GUCY1A2: variants seen among roughly 807,000 people sequenced by gnomAD.
GUCY1A2 encodes the protein guanylate cyclase soluble subunit alpha-2.
A neutral mutation model predicts 63.5 loss-of-function variants in GUCY1A2; 27 were observed. The ratio of observed to expected loss-of-function variants is 0.43; its 90% CI spans 0.31 to 0.59. The LOEUF (loss-of-function observed/expected upper bound fraction) is 0.59, where lower values mean the gene tolerates loss of function less well. GUCY1A2 is among the 20% of genes least tolerant of loss of function. The pLI is 0.11. For synonymous variants in GUCY1A2, 364 were observed against 343.5 expected, an observed-to-expected ratio of 1.06 and a Z score of -0.66; for missense variants, 768 against 913.3, an observed-to-expected ratio of 0.84 and a Z score of 2.05.
chr11:106,756,858 G>A (rs1435132911), intron 6 of GUCY1A2, among the ~76,000 whole-genome samples: 1 of 152,086 alleles, frequency 6.6e-6, no homozygotes, highest in Non-Finnish European at 1.5e-5. Flanking sequence ...TATCTTTGTG[G>A]TGGTCTCTGT....
chr11:106,937,444 C>T (rs572895109), intron 4 of GUCY1A2, among the ~76,000 whole-genome samples: 11 of 152,114 alleles, frequency 7.2e-5, no homozygotes, highest in Admixed American at 2.0e-4. Flanking sequence ...TTTCCCAAAT[C>T]GATAAAATAT....
chr11:106,752,564 A>G (rs971577083), intron 6 of GUCY1A2, among the ~76,000 whole-genome samples: 1 of 149,014 alleles, frequency 6.7e-6, no homozygotes, highest in Non-Finnish European at 1.5e-5. Flanking sequence ...CCCTGTGCCC[A>G]TGTGTTCTCA....
intron 4 of GUCY1A2, among the ~76,000 whole-genome samples, chr11:106,855,796 A>G (rs147497073): frequency 3.9e-4 from 60 of 152,280 alleles, no homozygotes; most frequent in African/African-American, 1.4e-3. Context: ...AATTAAGACC[A>G]CTATCTTAAT....
At chr11:106,998,533 C>G (rs913402482) in intron 1 of GUCY1A2, among the ~76,000 whole-genome samples, 1 of 152,170 alleles carries the variant, frequency 6.6e-6, no homozygotes, top group Non-Finnish European at 1.5e-5. Context: ...AAAGAAGGTA[C>G]TGATTGGATA....
At chr11:106,841,416 T>G (rs77788152) in intron 4 of GUCY1A2, among the ~76,000 whole-genome samples, 4,281 of 151,928 alleles carry the variant, frequency 0.028, 197 homozygotes, top group African/African-American at 0.096. Flanking sequence ...GATTACAAAT[T>G]CCCTGTCCAC....
chr11:106,706,893 C>T (rs1193207159), intron 7 of GUCY1A2, among the ~76,000 whole-genome samples: 1 of 152,076 alleles, frequency 6.6e-6, no homozygotes, highest in Non-Finnish European at 1.5e-5. Flanking sequence ...TAATTGTTGT[C>T]AGATCATCTG....
intron 4 of GUCY1A2, among the ~76,000 whole-genome samples, chr11:106,904,791 A>G (rs1338169115): frequency 6.6e-6 from 1 of 152,092 alleles, no homozygotes; most frequent in East Asian, 1.9e-4. Flanking sequence ...GAGGAGAAAC[A>G]TCAGATTGCT....
chr11:106,699,116 C>G (rs1332763365), intron 7 of GUCY1A2, among the ~76,000 whole-genome samples: 1 of 152,142 alleles, frequency 6.6e-6, no homozygotes, highest in Non-Finnish European at 1.5e-5. Context: ...GTTTCCACAG[C>G]CAAACATGTT....
At chr11:106,761,940 C>T (rs1864073288) in intron 6 of GUCY1A2, among the ~76,000 whole-genome samples, 1 of 152,088 alleles carries the variant, frequency 6.6e-6, no homozygotes, top group African/African-American at 2.4e-5. Flanking sequence ...TAATATAGCA[C>T]AGGATGCTGC....
At chr11:106,921,241 G>C (rs1157036428) in intron 4 of GUCY1A2, among the ~76,000 whole-genome samples, 1 of 151,846 alleles carries the variant, frequency 6.6e-6, no homozygotes, top group East Asian at 1.9e-4. Flanking sequence ...ATCCTGAAAT[G>C]CTCCAAGACC....
chr11:106,770,216 C>A (rs1240706767), intron 6 of GUCY1A2, among the ~76,000 whole-genome samples: 1 of 152,022 alleles, frequency 6.6e-6, no homozygotes, highest in Admixed American at 6.6e-5. Flanking sequence ...GGACATCCTA[C>A]CACATTCTTT....
rs925209892 is a variant in GUCY1A2 at position 106,685,198 on chromosome 11, G to A, written c.*2351C>T. The A allele has an allele frequency of 2.0e-5, 4 of 203,072 alleles. No homozygotes were observed. Among genetic ancestry groups the A allele is most frequent in the East Asian group, 7.6e-5 (1 of 13,168 alleles). 12.6% of individuals were successfully genotyped at this position (203,072 alleles called of 1,614,324 possible). Reference sequence around the variant, plus strand: ...AGAAATCTCTGGCACGTTCTTCATCGTGACATTTATGGCAATGTAAATGGA... The same window carrying A: ...AGAAATCTCTGGCACGTTCTTCATCATGACATTTATGGCAATGTAAATGGA... On this transcript the variant is annotated 3_prime_UTR_variant, in exon 8 of 8. Transcript: ENST00000526355.
At chr11:106,782,447 T>C (rs575825648) in intron 5 of GUCY1A2, among the ~76,000 whole-genome samples, 43 of 152,254 alleles carry the variant, frequency 2.8e-4, no homozygotes, top group African/African-American at 1.0e-3. Flanking sequence ...CATGCTCAGG[T>C]GGGTGAAAGG....
intron 6 of GUCY1A2, among the ~76,000 whole-genome samples, chr11:106,719,645 C>T (rs1344327324): frequency 1.3e-5 from 2 of 151,938 alleles, no homozygotes; most frequent in Non-Finnish European, 2.9e-5. Context: ...AATATTAAAC[C>T]CCTGAGTTAC....
At chr11:106,979,454 C>CAAAAA (rs368315276) in intron 2 of GUCY1A2, among the ~76,000 whole-genome samples, 3 of 59,440 alleles carry the variant, frequency 5.0e-5, no homozygotes, top group Non-Finnish European at 6.6e-5. Context: ...GACTCCGTCT[C>CAAAAA]AAAAAAAAAA....
chr11:106,996,892 G>A (rs571006569), intron 1 of GUCY1A2, among the ~76,000 whole-genome samples: 3 of 152,174 alleles, frequency 2.0e-5, no homozygotes, highest in African/African-American at 7.2e-5. Flanking sequence ...TGATCCAAAC[G>A]GATATAAAAC....
At chr11:106,812,467 T>C (rs1858775246) in intron 4 of GUCY1A2, among the ~76,000 whole-genome samples, 1 of 151,730 alleles carries the variant, frequency 6.6e-6, no homozygotes, top group African/African-American at 2.4e-5. Flanking sequence ...GACTCTACTC[T>C]CATTTTTTTC....
intron 7 of GUCY1A2, among the ~76,000 whole-genome samples, chr11:106,694,758 G>A (rs1369679216): frequency 2.6e-5 from 4 of 152,136 alleles, no homozygotes; most frequent in Non-Finnish European, 4.4e-5. Context: ...TACAGTTCCC[G>A]TGGTGAGCAC....
chr11:107,010,088 C>G (rs1454667944), intron 1 of GUCY1A2, among the ~76,000 whole-genome samples: 1 of 152,080 alleles, frequency 6.6e-6, no homozygotes, highest in Non-Finnish European at 1.5e-5. Context: ...ATAAAGCCTG[C>G]TCTGGAAGTG....
Sources: allele counts gnomAD v4.1 joint callset (sites outside exome capture counted in the v4.1 genomes callset), GRCh38; gene constraint gnomAD v4.1.1; transcripts MANE v1.5; gene names NCBI Gene and HGNC (gene_info 2026-07-23, HGNC 2026-07-21).